Variants in DNAH14 observed in about 807,000 individuals in gnomAD.
DNAH14 encodes axonemal beta dynein heavy chain 14.
A neutral mutation model predicts 520.9 loss-of-function variants in DNAH14; 478 were observed. That is an observed-to-expected ratio of 0.92 (90% CI 0.85 to 0.99). The LOEUF is 0.99. Among genes scored for constraint, DNAH14 ranks in the 50% least tolerant of loss-of-function variants. The probability of loss-of-function intolerance (pLI) is 0.00; values close to 1 mark genes in which losing one functional copy is unlikely to be tolerated. For missense variants in DNAH14, 4,831 were observed against 5,234.5 expected, an observed-to-expected ratio of 0.92 and a Z score of 2.38; for synonymous variants, 1,581 against 1,757.2, an observed-to-expected ratio of 0.90 and a Z score of 2.51.
chr1:224,937,869 A>G (rs1174631171), intron 1 of DNAH14, among the ~76,000 whole-genome samples: 1 of 152,152 alleles, frequency 6.6e-6, no homozygotes, highest in Non-Finnish European at 1.5e-5. Flanking sequence ...CCAATGGAAC[A>G]GAAGAGAGAA....
chr1:225,353,922 A>C, intron 73 of DNAH14, 34 bp downstream of exon 73: 1 of 1,204,174 alleles, frequency 8.3e-7, no homozygotes, highest in Non-Finnish European at 1.2e-6. Context: ...TTAATATTCT[A>C]AATATTTTGA....
intron 37 of DNAH14, 39 bp downstream of exon 37, chr1:225,185,464 CAT>C (rs1451828303): frequency 6.8e-7 from 1 of 1,480,442 alleles, no homozygotes; most frequent in Non-Finnish European, 9.0e-7. Flanking sequence ...TCTATTTGTT[CAT>C]ATCTTATTTT....
chr1:225,175,103 CTA>C (rs1397669576), intron 36 of DNAH14, among the ~76,000 whole-genome samples: 1 of 152,114 alleles, frequency 6.6e-6, no homozygotes, highest in Non-Finnish European at 1.5e-5. Flanking sequence ...ATTTTTGCAT[CTA>C]TGTTCATCAA....
chr1:225,333,568 T>C, intron 66 of DNAH14, 62 bp downstream of exon 66: 1 of 1,413,014 alleles, frequency 7.1e-7, no homozygotes, highest in South Asian at 1.3e-5. Context: ...ATTTTAGCTG[T>C]ATGTGTAGTT....
At chr1:225,096,814 A>AC (rs2075020711) in intron 21 of DNAH14, among the ~76,000 whole-genome samples, 1 of 152,186 alleles carries the variant, frequency 6.6e-6, no homozygotes, top group South Asian at 2.1e-4. Flanking sequence ...AAGAAGTAGG[A>AC]AATAAGTGTT....
At chr1:225,099,684 A>G (rs1462440096) in intron 22 of DNAH14, among the ~76,000 whole-genome samples, 1 of 152,182 alleles carries the variant, frequency 6.6e-6, no homozygotes, top group Non-Finnish European at 1.5e-5. Context: ...GAACAAGGGA[A>G]TCCCAGAAGT....
At chr1:225,385,808 G>A (rs2095834994) in intron 81 of DNAH14, among the ~76,000 whole-genome samples, 1 of 152,052 alleles carries the variant, frequency 6.6e-6, no homozygotes, top group South Asian at 2.1e-4. Flanking sequence ...TACTACCCAA[G>A]GTAATTTATA....
At chr1:225,239,977 G>A (rs1349027707) in intron 42 of DNAH14, among the ~76,000 whole-genome samples, 9 of 152,132 alleles carry the variant, frequency 5.9e-5, no homozygotes, top group Admixed American at 5.9e-4. Context: ...AGAATTTCAT[G>A]ATCCTACCAA....
Position 225,153,861 on chromosome 1 carries a change from G to A in DNAH14, c.5273+35G>A, listed in dbSNP as rs773518285. The A allele has an allele frequency of 1.0e-5, 15 of 1,450,720 alleles. No individual in the cohort carries two copies. The South Asian group carries it at 1.9e-4, about 18-fold the overall frequency. The allele number at this position is 1,450,720 out of a possible 1,614,324, so 89.9% of individuals were successfully genotyped here. A position where few individuals can be genotyped will look rare whatever the true frequency, so the allele number is the denominator to read the frequency against. On this transcript the variant is annotated intron_variant, in intron 34 of 85. Coordinates refer to ENST00000682510, the MANE Select transcript of DNAH14 (RefSeq NM_001367479.1). ...ATTTTGAATTGTTAGGTCAAAGGGA[G>A]TTATATACTGCTGGGAAAATAATTT...
At chr1:225,173,941 A>G (rs1288513117) in intron 36 of DNAH14, among the ~76,000 whole-genome samples, 2 of 152,234 alleles carry the variant, frequency 1.3e-5, no homozygotes, top group African/African-American at 4.8e-5. Flanking sequence ...TAAAAAAATG[A>G]TGAGTTCATG....
At chr1:225,329,856 G>A (rs1398656158) in intron 64 of DNAH14, among the ~76,000 whole-genome samples, 1 of 152,092 alleles carries the variant, frequency 6.6e-6, no homozygotes, top group Non-Finnish European at 1.5e-5. Flanking sequence ...TCAACAAAGT[G>A]AAGAGATGGC....
intron 69 of DNAH14, among the ~76,000 whole-genome samples, chr1:225,345,518 T>A (rs1403496394): frequency 6.6e-6 from 1 of 152,214 alleles, no homozygotes; most frequent in African/African-American, 2.4e-5. Flanking sequence ...TAAATGTCAT[T>A]GGTCATGATC....
At chr1:225,372,098 T>C (rs1030609467) in intron 77 of DNAH14, among the ~76,000 whole-genome samples, 4 of 152,210 alleles carry the variant, frequency 2.6e-5, no homozygotes, top group Non-Finnish European at 4.4e-5. Flanking sequence ...GTTTTTTTAA[T>C]CCTGCCTCCC....
At position 225,082,598 on chromosome 1, in the gene DNAH14, G is replaced by A. The variant is rs1295072194; in HGVS notation, c.3186G>A (p.Glu1062=). ...MVTHLKQVVT[E]FKQELPIIIA... ...CACATCTTAAGCAAGTGGTAACAGA[G>A]TTTAAACAAGAGCTGCCTATCATTA... Residue 1062 remains glutamate, a synonymous_variant, in exon 20 of 86, where the codon GAG becomes GAA. Transcript: ENST00000682510. 2 of 1,551,504 alleles carry A rather than the reference G, an allele frequency of 1.3e-6. No individual in the cohort carries two copies. The highest frequency in any genetic ancestry group is 1.4e-5 in the African/African-American group (1 of 73,028).
Position 225,144,527 on chromosome 1 carries a change from T to C in DNAH14, c.4639T>C (p.Cys1547Arg), listed in dbSNP as rs1218329198. 5.8e-6 allele frequency: 9 copies of C among 1,551,574 alleles called. No homozygotes were observed. In the South Asian group the frequency reaches 5.9e-5, roughly 10 times the overall value. The change falls in exon 29 of 86, where the codon TGC becomes CGC. Residue 1547 changes from cysteine to arginine, a missense_variant. Transcript: ENST00000682510. ...RLVITPLTDR[C>R]WLTLMEALHL... is the part of the protein sequence containing the mutation. ...GGTTATTACGCCTCTCACAGACCGA[T>C]GCTGGCTGACTCTCATGGAAGCACT...
At chr1:225,370,484 C>A (rs1478336918) in intron 77 of DNAH14, among the ~76,000 whole-genome samples, 1 of 152,034 alleles carries the variant, frequency 6.6e-6, no homozygotes, top group Non-Finnish European at 1.5e-5. Context: ...TGGGCCACTG[C>A]ACTCCAGCCT....
At chr1:225,064,657 C>A (rs1175833453) in intron 17 of DNAH14, among the ~76,000 whole-genome samples, 1 of 151,764 alleles carries the variant, frequency 6.6e-6, no homozygotes, top group East Asian at 1.9e-4. Context: ...AGAAGCCAGA[C>A]ACAAAGGAGT....
At chr1:225,331,718 C>A in intron 65 of DNAH14, 141 bp downstream of exon 65, 1 of 1,142,836 alleles carries the variant, frequency 8.8e-7, no homozygotes. Flanking sequence ...GATCAGTAGA[C>A]ATCCTATTCA....
At chr1:225,264,418 T>C (rs969253882) in intron 47 of DNAH14, among the ~76,000 whole-genome samples, 157 bp downstream of exon 47, 1 of 152,120 alleles carries the variant, frequency 6.6e-6, no homozygotes, top group African/African-American at 2.4e-5. Flanking sequence ...TCTCAAACTG[T>C]TCTGTCCTAC....
Sources: gnomAD v4.1 joint callset for allele counts (sites outside exome capture counted in the v4.1 genomes callset) on GRCh38, gnomAD v4.1.1 for gene constraint, MANE v1.5 for transcripts, NCBI Gene and HGNC (gene_info 2026-07-23, HGNC 2026-07-21) for gene names.